SOX5: variants seen among roughly 807,000 people sequenced by gnomAD.
SOX5 encodes the protein SRY-box transcription factor 5, also known as transcription factor SOX-5.
SOX5 carries 9 observed loss-of-function variants against 92.0 expected under a neutral mutation model. The observed-to-expected ratio is 0.10, with a 90% confidence interval of 0.06 to 0.17. The LOEUF is 0.17. Among genes scored for constraint, SOX5 ranks in the 10% least tolerant of loss-of-function variants. The pLI is 1.00. For synonymous variants in SOX5, 344 were observed against 336.3 expected (o/e 1.02, Z -0.25); for missense variants, 642 against 944.5 (o/e 0.68, Z 4.20).
chr12:23,955,801 A>G (rs12228042), upstream of SOX5, among the ~76,000 whole-genome samples: 5,389 of 152,276 alleles, frequency 0.035, 476 homozygotes, highest in East Asian at 0.28. Context: ...AAGTGGGATC[A>G]TACAAATAAA....
chr12:24,239,921 CA>C (rs1965246770), intron 3 of SOX5, among the ~76,000 whole-genome samples: 2 of 152,208 alleles, frequency 1.3e-5, no homozygotes, highest in South Asian at 4.1e-4. Context: ...GTACAGAAGA[CA>C]TAAGGAATAA....
intron 9 of SOX5, among the ~76,000 whole-genome samples, chr12:23,578,146 A>AAAAAAAAAAAAAAAAAAAAAAC: frequency 1.5e-5 from 2 of 137,318 alleles, no homozygotes; most frequent in African/African-American, 5.3e-5. Context: ...AAAAAAAAAA[A>AAAAAAAAAAAAAAAAAAAAAAC]AAAACTATAG....
intron 6 of SOX5, among the ~76,000 whole-genome samples, chr12:23,734,339 G>A (rs774718956): frequency 6.6e-5 from 10 of 152,106 alleles, no homozygotes; most frequent in Non-Finnish European, 1.2e-4. Context: ...GAAAACCCAG[G>A]TACCTTTCTG....
intron 6 of SOX5, among the ~76,000 whole-genome samples, chr12:23,691,872 T>C (rs2088883681): frequency 6.6e-6 from 1 of 152,160 alleles, no homozygotes; most frequent in Non-Finnish European, 1.5e-5. Flanking sequence ...ATTCCTCTAG[T>C]GCTTATTATA....
chr12:24,546,826 C>T (rs1250719491), intron 1 of SOX5, among the ~76,000 whole-genome samples: 1 of 152,210 alleles, frequency 6.6e-6, no homozygotes, highest in African/African-American at 2.4e-5. Context: ...TGACTTCCCC[C>T]AGGGCCCGCC....
At chr12:23,578,001 G>T (rs1285119411) in intron 9 of SOX5, among the ~76,000 whole-genome samples, 1 of 150,472 alleles carries the variant, frequency 6.6e-6, no homozygotes, top group East Asian at 2.0e-4. Context: ...TGCACCTGTA[G>T]TCTCAGCTAC....
intron 2 of SOX5, among the ~76,000 whole-genome samples, chr12:23,856,818 A>C (rs2096696597): frequency 6.6e-6 from 1 of 152,134 alleles, no homozygotes; most frequent in South Asian, 2.1e-4. Context: ...GAGAAGAGAG[A>C]ATGCTAGAAA....
chr12:23,845,820 A>G (rs1357747473), intron 3 of SOX5, among the ~76,000 whole-genome samples, 163 bp downstream of exon 3: 1 of 152,210 alleles, frequency 6.6e-6, no homozygotes, highest in African/African-American at 2.4e-5. Context: ...AGACAGGGCT[A>G]AGTGTTTCTG....
chr12:24,552,637 G>A (rs1459762707), intron 1 of SOX5, among the ~76,000 whole-genome samples: 1 of 152,212 alleles, frequency 6.6e-6, no homozygotes, highest in African/African-American at 2.4e-5. Context: ...ACACGCATCT[G>A]TGTGTTCAAT....
At chr12:23,811,190 G>A (rs981521225) in intron 3 of SOX5, among the ~76,000 whole-genome samples, 5 of 152,016 alleles carry the variant, frequency 3.3e-5, no homozygotes, top group Non-Finnish European at 4.4e-5. Flanking sequence ...CAAGGATTAG[G>A]CTCTAAATTA....
chr12:24,397,871 A>G (rs1331916002), intron 1 of SOX5, among the ~76,000 whole-genome samples: 1 of 151,670 alleles, frequency 6.6e-6, no homozygotes, highest in African/African-American at 2.4e-5. Flanking sequence ...TTATTTTGAG[A>G]CAGAGTCTTG....
rs1386116375 is a variant in SOX5, at chr12:24,506,782, G to GTTTTTTTTT, written c.-251+55546_-251+55547insAAAAAAAAA. Among the ~76,000 whole-genome samples the GTTTTTTTTT allele has an allele frequency of 9.6e-4, 77 of 80,258 alleles. 2 individuals carry two copies. Among genetic ancestry groups the GTTTTTTTTT allele is most frequent in the Admixed American group, 1.5e-3 (10 of 6,458 alleles). 52.7% of individuals were successfully genotyped at this position (80,258 alleles called of 152,430 possible). ...ACCTGTATTTCATGGTATCCAAATG[G>GTTTTTTTTT]TCTTTTTTTTTTTTTTTTTTTTTTG... On this transcript the variant is annotated intron_variant, in intron 1 of 4. Transcript: ENST00000446891.
At chr12:24,243,852 C>T (rs1428163022) in intron 3 of SOX5, among the ~76,000 whole-genome samples, 1 of 152,050 alleles carries the variant, frequency 6.6e-6, no homozygotes, top group African/African-American at 2.4e-5. Context: ...GGAACTTCCA[C>T]CTGAATAGAA....
At chr12:23,844,170 T>C (rs908403829) in intron 3 of SOX5, among the ~76,000 whole-genome samples, 2 of 152,236 alleles carry the variant, frequency 1.3e-5, no homozygotes, top group Non-Finnish European at 2.9e-5. Flanking sequence ...TATCATTGTT[T>C]ACCCTCTTGA....
At chr12:23,856,645 T>A (rs1339361075) in intron 2 of SOX5, among the ~76,000 whole-genome samples, 1 of 152,160 alleles carries the variant, frequency 6.6e-6, no homozygotes, top group Admixed American at 6.5e-5. Context: ...TGCTGCAAGA[T>A]ATGCCAAAGG....
intron 3 of SOX5, among the ~76,000 whole-genome samples, chr12:23,778,469 T>G (rs2095176019): frequency 6.6e-6 from 1 of 152,158 alleles, no homozygotes; most frequent in Non-Finnish European, 1.5e-5. Flanking sequence ...AAGCCTAGCA[T>G]GTTTCAAAAG....
At chr12:23,543,976 C>A (rs1280342653) in intron 12 of SOX5, among the ~76,000 whole-genome samples, 1 of 152,154 alleles carries the variant, frequency 6.6e-6, no homozygotes, top group East Asian at 1.9e-4. Flanking sequence ...ATGACATATG[C>A]TGATACAGCA....
chr12:23,940,002 A>C (rs946622431), intron 1 of SOX5, among the ~76,000 whole-genome samples: 2 of 151,110 alleles, frequency 1.3e-5, no homozygotes, highest in Non-Finnish European at 3.0e-5. Flanking sequence ...TATACTGTCC[A>C]TAGCCCCTGT....
intron 4 of SOX5, among the ~76,000 whole-genome samples, chr12:24,129,489 G>A (rs1054045969): frequency 1.3e-5 from 2 of 152,170 alleles, no homozygotes; most frequent in Admixed American, 6.5e-5. Flanking sequence ...CACTGTGCCT[G>A]AACTCAGTGG....
Sources: allele counts gnomAD v4.1 joint callset (sites outside exome capture counted in the v4.1 genomes callset), GRCh38; gene constraint gnomAD v4.1.1; transcripts MANE v1.5; gene names NCBI Gene and HGNC (gene_info 2026-07-23, HGNC 2026-07-21).